The following TCF12 variants were observed in gnomAD, a reference collection of about 807,000 sequenced individuals.
TCF12 encodes DNA-binding protein HTF4.
TCF12 carries 45 observed loss-of-function variants against 86.0 expected under a neutral mutation model. That is an observed-to-expected ratio of 0.52 (90% confidence interval 0.41 to 0.67). The LOEUF is 0.67. TCF12 is among the 30% of genes least tolerant of loss of function. The pLI is 0.00. For synonymous variants in TCF12, 330 were observed against 299.6 expected, an observed-to-expected ratio of 1.10 and a Z score of -1.05; for missense variants, 881 against 859.9, an observed-to-expected ratio of 1.02 and a Z score of -0.31.
intron 3 of TCF12, among the ~76,000 whole-genome samples, chr15:56,960,173 C>T (rs1230146950): frequency 6.6e-6 from 1 of 152,102 alleles, no homozygotes; most frequent in Non-Finnish European, 1.5e-5. Flanking sequence ...CATATTTACT[C>T]AGTATAGAAA....
At chr15:56,982,098 T>C (rs535610752) in intron 3 of TCF12, among the ~76,000 whole-genome samples, 39 of 152,290 alleles carry the variant, frequency 2.6e-4, no homozygotes, top group African/African-American at 9.4e-4. Flanking sequence ...TTAGATATAA[T>C]TTACCAATTC....
At position 57,251,436 on chromosome 15, in the gene TCF12, T is replaced by C; in HGVS notation, c.1188+13T>C. On this transcript the variant is annotated intron_variant, in intron 14 of 20. Coordinates refer to ENST00000333725, the MANE Select transcript of TCF12 (RefSeq NM_207037.2). ...ACTCCACTCCCTGGTAAGAGCCTCT[T>C]ATACATCAGTTTTATCTGATAGCTT... 1 of 1,613,262 alleles carries C rather than the reference T, an allele frequency of 6.2e-7. No individual in the cohort carries two copies. The highest frequency in any genetic ancestry group is 2.2e-5 in the East Asian group (1 of 44,812).
In TCF12 at chr15:57,273,726, G is replaced by A. The variant is rs192433702; in HGVS notation, c.1978+464G>A. Among the ~76,000 whole-genome samples the A allele has an allele frequency of 4.6e-5, 7 of 152,218 alleles. No individual in the cohort carries two copies. The East Asian group carries it at 1.4e-3, about 29-fold the overall frequency. On this transcript the variant is annotated intron_variant, in intron 19 of 20. Transcript: ENST00000333725. ...GTTATCATCCCTTCTGCCTTTGCCA[G>A]ATACCTTTACACCCATGTCAATAAG...
At chr15:57,112,424 C>T (rs769368960) in intron 5 of TCF12, among the ~76,000 whole-genome samples, 1 of 152,134 alleles carries the variant, frequency 6.6e-6, no homozygotes, top group Non-Finnish European at 1.5e-5. Flanking sequence ...TTTGGAATGC[C>T]CTCAGCTGTC....
At chr15:57,141,953 C>T (rs1458301107) in intron 5 of TCF12, among the ~76,000 whole-genome samples, 1 of 152,092 alleles carries the variant, frequency 6.6e-6, no homozygotes, top group African/African-American at 2.4e-5. Flanking sequence ...GGAAGAAGCA[C>T]AAACGGGAGG....
intron 3 of TCF12, among the ~76,000 whole-genome samples, chr15:56,929,441 C>T (rs909517649): frequency 2.0e-5 from 3 of 151,964 alleles, no homozygotes; most frequent in Admixed American, 2.0e-4. Flanking sequence ...TTTAAAGATA[C>T]CCTTGACTTG....
chr15:57,281,957 C>T (rs2061710276), intron 19 of TCF12, among the ~76,000 whole-genome samples: 1 of 152,118 alleles, frequency 6.6e-6, no homozygotes, highest in African/African-American at 2.4e-5. Context: ...GAAACCAGTC[C>T]CTGGTGCCAA....
rs1261159576 is a variant in TCF12, at chr15:57,179,906, G to A, written c.391-12252G>A. Among the ~76,000 whole-genome samples, 4 of 152,028 alleles carry A rather than the reference G, an allele frequency of 2.6e-5. No individual in the cohort carries two copies. The South Asian group carries it at 6.2e-4, about 24-fold the overall frequency. Reference sequence around the variant, plus strand: ...ATCTTGTCTTAGACAAAACACTAGAGAGGATCATAATTAATGTCTCATTTT... The same window carrying A: ...ATCTTGTCTTAGACAAAACACTAGAAAGGATCATAATTAATGTCTCATTTT... On this transcript the variant is annotated intron_variant, in intron 6 of 20. Coordinates refer to ENST00000333725, the MANE Select transcript of TCF12 (RefSeq NM_207037.2).
At chr15:56,982,657 C>T (rs1405646289) in intron 3 of TCF12, among the ~76,000 whole-genome samples, 1 of 152,080 alleles carries the variant, frequency 6.6e-6, no homozygotes, top group Non-Finnish European at 1.5e-5. Flanking sequence ...TTCTGTAAAC[C>T]ATACTTTAAT....
chr15:57,223,654 T>TTTGTTTTTTTTTTTG (rs1248684058), intron 8 of TCF12, among the ~76,000 whole-genome samples: 4 of 129,964 alleles, frequency 3.1e-5, no homozygotes, highest in Non-Finnish European at 5.0e-5. Context: ...TTTTTTTTTT[T>TTTGTTTTTTTTTTTG]TTTTTTTTTT....
At chr15:56,938,640 A>C (rs1308260643) in intron 3 of TCF12, among the ~76,000 whole-genome samples, 1 of 111,644 alleles carries the variant, frequency 9.0e-6, no homozygotes, top group Non-Finnish European at 1.8e-5. Flanking sequence ...CTGGTCCGAG[A>C]CTTTTTTTTT....
rs111744739 is a variant in TCF12, at chr15:57,255,199, T to C, written c.1467+1731T>C. 7.2e-5 allele frequency among the ~76,000 whole-genome samples: 11 copies of C among 152,278 alleles called. 1 individual carries two copies. The highest frequency in any genetic ancestry group is 2.6e-4 in the African/African-American group (11 of 41,560). On this transcript the variant is annotated intron_variant, in intron 16 of 20. Coordinates refer to ENST00000333725, the MANE Select transcript of TCF12 (RefSeq NM_207037.2). ...TTATTATATATCTGGCTCCTCCCAG[T>C]TGGAGTTTGCATAAAATGGAACTTC...
chr15:56,993,648 C>G (rs765783460), intron 3 of TCF12, among the ~76,000 whole-genome samples: 34 of 152,266 alleles, frequency 2.2e-4, no homozygotes, highest in Non-Finnish European at 3.7e-4. Flanking sequence ...TTCGATGATA[C>G]AAAAGTGGGA....
intron 3 of TCF12, among the ~76,000 whole-genome samples, chr15:57,029,309 A>G (rs1567282979): frequency 6.6e-6 from 1 of 151,716 alleles, no homozygotes; most frequent in South Asian, 2.1e-4. Flanking sequence ...TGTACTCTCT[A>G]TTCTTGTATT....
Position 57,206,269 on chromosome 15 carries a change from G to A in TCF12, c.579+8444G>A, listed in dbSNP as rs565244681. ...TGTAATCCCAGTGCTTTGGGAGGCCGAGGCAGGCAGATCACTAGCTCAGAA... is the reference window on the plus strand; with the variant it reads ...TGTAATCCCAGTGCTTTGGGAGGCCAAGGCAGGCAGATCACTAGCTCAGAA... On this transcript the variant is annotated intron_variant, in intron 8 of 20. Transcript: ENST00000333725. Among the ~76,000 whole-genome samples the A allele has an allele frequency of 8.1e-4, 124 of 152,240 alleles. 2 individuals are homozygous for A. The highest frequency in any genetic ancestry group is 4.4e-3 in the Admixed American group (68 of 15,300).
At chr15:56,973,148 A>G (rs1300665447) in intron 3 of TCF12, among the ~76,000 whole-genome samples, 1 of 152,134 alleles carries the variant, frequency 6.6e-6, no homozygotes, top group Non-Finnish European at 1.5e-5. Context: ...CATAGTATCA[A>G]TGTAAACTCA....
At chr15:57,278,327 A>G (rs1225729340) in intron 19 of TCF12, among the ~76,000 whole-genome samples, 3 of 152,128 alleles carry the variant, frequency 2.0e-5, no homozygotes, top group Admixed American at 6.5e-5. Flanking sequence ...TTAGCTGCAG[A>G]AGAAAGGTTT....
intron 3 of TCF12, among the ~76,000 whole-genome samples, chr15:56,948,671 G>A (rs1490742640): frequency 6.6e-6 from 1 of 152,178 alleles, no homozygotes; most frequent in East Asian, 1.9e-4. Flanking sequence ...GGGGCCTGAA[G>A]TTTATAATGG....
chr15:56,936,397 T>C (rs2060471654), intron 3 of TCF12, among the ~76,000 whole-genome samples: 1 of 152,196 alleles, frequency 6.6e-6, no homozygotes, highest in Non-Finnish European at 1.5e-5. Flanking sequence ...GTCAGATGTA[T>C]AGATTGAGAT....
Sources: gnomAD v4.1 joint callset for allele counts (sites outside exome capture counted in the v4.1 genomes callset) on GRCh38, gnomAD v4.1.1 for gene constraint, MANE v1.5 for transcripts, NCBI Gene and HGNC (gene_info 2026-07-23, HGNC 2026-07-21) for gene names.